Variants in TFAP2A observed in about 807,000 individuals in gnomAD.
TFAP2A encodes transcription factor AP-2-alpha.
In TFAP2A, 7 loss-of-function variants were observed where a neutral mutation model predicts 41.5. The observed-to-expected ratio is 0.17, with a 90% CI of 0.10 to 0.32. The LOEUF (loss-of-function observed/expected upper bound fraction) is 0.32. TFAP2A is among the 10% of genes least tolerant of loss of function. The probability of loss-of-function intolerance (pLI) is 1.00; values close to 1 mark genes in which losing one functional copy is unlikely to be tolerated. For synonymous variants in TFAP2A, 247 were observed against 242.8 expected (o/e 1.02, Z -0.16); for missense variants, 416 against 563.3 (o/e 0.74, Z 2.65).
rs142442056 is a variant in TFAP2A at position 10,399,584 on chromosome 6, G to A, written c.1031+864C>T. ...AGCCTGGCCTGGGGGGCTGGGGAGG[G>A]GGATGAATGAGGAGCCTGGGCTGGC... On this transcript the variant is annotated intron_variant, in intron 6 of 6. Coordinates refer to ENST00000379613, the MANE Select transcript of TFAP2A (RefSeq NM_001372066.1). Among the ~76,000 whole-genome samples, 76 of 152,300 alleles carry A rather than the reference G, an allele frequency of 5.0e-4. 1 individual carries two copies. In the East Asian group the frequency reaches 0.013, roughly 27 times the overall value.
intron 1 of TFAP2A, chr6:10,414,449 G>T: frequency 3.7e-6 from 1 of 271,534 alleles, no homozygotes; most frequent in Non-Finnish European, 7.2e-6. Flanking sequence ...TTAGAAGTGG[G>T]GGTGGGGGGA....
chr6:10,412,219 G>C, intron 1 of TFAP2A: 1 of 987,474 alleles, frequency 1.0e-6, no homozygotes, highest in Non-Finnish European at 1.2e-6. Flanking sequence ...GAGGGAGCGG[G>C]CGAGCGCGCG....
chr6:10,417,369 G>C (rs1276450403), upstream of TFAP2A, among the ~76,000 whole-genome samples: 1 of 152,236 alleles, frequency 6.6e-6, no homozygotes, highest in Non-Finnish European at 1.5e-5. Context: ...GGTGCAGATT[G>C]GGACCTGCCG....
intron 1 of TFAP2A, among the ~76,000 whole-genome samples, chr6:10,413,920 C>G (rs943747567): frequency 6.6e-6 from 1 of 151,698 alleles, no homozygotes; most frequent in African/African-American, 2.4e-5. Context: ...TTTAGGTAAT[C>G]TCCAGCCCTA....
chr6:10,405,015 G>T (rs889180839), intron 3 of TFAP2A: 6 of 541,146 alleles, frequency 1.1e-5, no homozygotes, highest in Middle Eastern at 5.0e-4. Flanking sequence ...GCCGTCAAGG[G>T]TGCTCTCTAG....
chr6:10,399,578 G>C (rs2114000760), intron 6 of TFAP2A, among the ~76,000 whole-genome samples: 1 of 152,296 alleles, frequency 6.6e-6, no homozygotes, highest in South Asian at 2.1e-4. Flanking sequence ...TGGGGGGCTG[G>C]GGAGGGGGAT....
chr6:10,407,101 TAA>T, intron 2 of TFAP2A: 1 of 529,556 alleles, frequency 1.9e-6, no homozygotes, highest in Non-Finnish European at 3.4e-6. Flanking sequence ...AGATGGGGAA[TAA>T]AACTTTCTTT....
In TFAP2A at chr6:10,410,219, C is replaced by A; in HGVS notation, c.168G>T (p.Gln56His). Residue 56 changes from glutamine (Q) to histidine (H), a missense_variant, in exon 2 of 7, where the codon CAG becomes CAT. Gln to His is a conservative substitution (Grantham distance 24). This residue lies in a region of TFAP2A where 241 missense variants were observed against 274.1 expected (regional missense o/e 0.88). Coordinates refer to ENST00000379613, the MANE Select transcript of TFAP2A (RefSeq NM_001372066.1). ...GGTAGGGTGGGGGGAAGTATGGGGG[C>A]TGGAAGTCGGCATTGGGGGTGTGGG... ...PLSHTPNADF[Q>H]PPYFPPPYQP... 7.5e-7 allele frequency: 1 copy of A among 1,338,890 alleles called. No individual in the cohort carries two copies. The highest frequency in any genetic ancestry group is 9.6e-7 in the Non-Finnish European group (1 of 1,040,060). The allele number at this position is 1,338,890 out of a possible 1,614,324, so 82.9% of individuals were successfully genotyped here.
intron 3 of TFAP2A, 85 bp downstream of exon 3, chr6:10,406,707 GA>G: frequency 8.2e-7 from 1 of 1,214,460 alleles, no homozygotes; most frequent in East Asian, 2.3e-5. Context: ...ATCCTATTTG[GA>G]AAAAATAAAC....
intron 4 of TFAP2A, 90 bp downstream of exon 4, chr6:10,404,418 G>A (rs773777299): frequency 1.1e-6 from 1 of 937,612 alleles, no homozygotes. Context: ...GCGGCGCGAG[G>A]CCTGTTTGCG....
intron 6 of TFAP2A, among the ~76,000 whole-genome samples, chr6:10,399,364 T>G (rs943321899): frequency 4.6e-5 from 7 of 152,238 alleles, no homozygotes; most frequent in Non-Finnish European, 8.8e-5. Context: ...GACATTTCGA[T>G]TTCCCATTCC....
intron 6 of TFAP2A, among the ~76,000 whole-genome samples, chr6:10,399,924 CTGTGTGTG>C (rs58533284): frequency 6.7e-6 from 1 of 148,922 alleles, no homozygotes; most frequent in African/African-American, 2.5e-5. Context: ...CTCTCTCTGT[CTGTGTGTG>C]TGTGTGTGTG....
At chr6:10,400,106 G>A (rs1561705216) in intron 6 of TFAP2A, among the ~76,000 whole-genome samples, 1 of 151,922 alleles carries the variant, frequency 6.6e-6, no homozygotes, top group Non-Finnish European at 1.5e-5. Context: ...AGGTAAGCCT[G>A]TTACCCCTTT....
At chr6:10,402,153 C>T (rs2114006552) in intron 5 of TFAP2A, 1 of 381,546 alleles carries the variant, frequency 2.6e-6, no homozygotes, top group Non-Finnish European at 5.1e-6. Flanking sequence ...ATTTCTCAAA[C>T]GCAGATGTCA....
In TFAP2A at chr6:10,414,649, A is replaced by G. The variant is rs931686338; in HGVS notation, c.51+292T>C. The G allele has an allele frequency of 1.2e-4, 69 of 566,258 alleles. No homozygotes were observed. In the African/African-American group the frequency reaches 1.2e-3, roughly 10 times the overall value. The allele number at this position is 566,258 out of a possible 1,614,324, so 35.1% of individuals were successfully genotyped here. A position where few individuals can be genotyped will look rare whatever the true frequency, so the allele number is the denominator to read the frequency against. ...GCCCAGTTGCCAGCAATTGCTTCAAAAGCCCATGTTCTTCTTTTCCCCCAT... is the reference window on the plus strand; with the variant it reads ...GCCCAGTTGCCAGCAATTGCTTCAAGAGCCCATGTTCTTCTTTTCCCCCAT... On this transcript the variant is annotated intron_variant, in intron 1 of 6. Coordinates refer to ENST00000379613, the MANE Select transcript of TFAP2A (RefSeq NM_001372066.1).
chr6:10,408,025 G>A (rs1757793325), intron 2 of TFAP2A: 2 of 152,132 alleles, frequency 1.3e-5, no homozygotes. Context: ...ATGTAGTGTG[G>A]CATAATACTT....
At chr6:10,405,789 T>G (rs1053853402) in intron 3 of TFAP2A, 1 of 151,978 alleles carries the variant, frequency 6.6e-6, no homozygotes, top group Admixed American at 6.6e-5. Flanking sequence ...TATAGGGAGG[T>G]GGGGGGCTCT....
intron 1 of TFAP2A, among the ~76,000 whole-genome samples, chr6:10,413,080 C>T (rs1758071674): frequency 6.6e-6 from 1 of 152,178 alleles, no homozygotes; most frequent in African/African-American, 2.4e-5. Flanking sequence ...CTAGCTCTCC[C>T]GGCGTGCTGC....
upstream of TFAP2A, among the ~76,000 whole-genome samples, chr6:10,417,392 C>T (rs1758285860): frequency 6.6e-6 from 1 of 152,234 alleles, no homozygotes; most frequent in African/African-American, 2.4e-5. Context: ...TCTGGACTGC[C>T]GCCCCCGGTG....
Sources: gnomAD v4.1 joint callset for allele counts (sites outside exome capture counted in the v4.1 genomes callset) on GRCh38, gnomAD v4.1.1 for gene constraint, gnomAD v4.1.1 regional missense constraint, MANE v1.5 for transcripts, NCBI Gene and HGNC (gene_info 2026-07-23, HGNC 2026-07-21) for gene names.